Variants in SNTG1 observed in about 807,000 individuals in gnomAD.
SNTG1 encodes syntrophin gamma 1.
In SNTG1, 39 loss-of-function variants were observed where a neutral mutation model predicts 74.7. The ratio of observed to expected loss-of-function variants is 0.52; its 90% CI spans 0.40 to 0.68. SNTG1 has a LOEUF of 0.68. Among genes scored for constraint, SNTG1 ranks in the 30% least tolerant of loss-of-function variants. The pLI, the probability that SNTG1 is intolerant of heterozygous loss-of-function variation, is 0.00. For missense variants in SNTG1, 685 were observed against 609.5 expected (o/e 1.12, Z -1.30); for synonymous variants, 254 against 217.1 (o/e 1.17, Z -1.49).
chr8:49,922,768 C>G (rs774394940), intron 1 of SNTG1, among the ~76,000 whole-genome samples: 4 of 152,038 alleles, frequency 2.6e-5, no homozygotes, highest in South Asian at 2.1e-4. Context: ...ATAATCAAAT[C>G]TTTTATTTTT....
At chr8:50,208,593 A>G (rs528114784) in intron 2 of SNTG1, among the ~76,000 whole-genome samples, 1 of 152,276 alleles carries the variant, frequency 6.6e-6, no homozygotes, top group South Asian at 2.1e-4. Context: ...TGTGAATTTG[A>G]TCCTGTCATT....
At chr8:50,764,515 G>C (rs565890453) in intron 18 of SNTG1, among the ~76,000 whole-genome samples, 81 of 151,998 alleles carry the variant, frequency 5.3e-4, no homozygotes, top group African/African-American at 1.9e-3. Context: ...TTATGTACAT[G>C]TGAACCTATG....
chr8:50,540,458 T>G (rs2094338252), intron 11 of SNTG1, among the ~76,000 whole-genome samples: 1 of 152,194 alleles, frequency 6.6e-6, no homozygotes, highest in African/African-American at 2.4e-5. Context: ...TTATAAAGGA[T>G]GAGTATTGTC....
chr8:50,048,193 A>T (rs527813239), intron 1 of SNTG1, among the ~76,000 whole-genome samples: 1 of 152,332 alleles, frequency 6.6e-6, no homozygotes, highest in South Asian at 2.1e-4. Flanking sequence ...TCTGAATTTT[A>T]GTTTATCCTC....
At chr8:50,028,760 T>C (rs1817498599) in intron 1 of SNTG1, among the ~76,000 whole-genome samples, 1 of 152,212 alleles carries the variant, frequency 6.6e-6, no homozygotes, top group Admixed American at 6.5e-5. Context: ...ATATAGTTTT[T>C]CTAACTTATT....
chr8:50,506,452 A>T (rs981798600), intron 9 of SNTG1, among the ~76,000 whole-genome samples: 2 of 152,072 alleles, frequency 1.3e-5, no homozygotes, highest in Non-Finnish European at 2.9e-5. Flanking sequence ...ACATTTTAAC[A>T]ATATTAATTC....
At chr8:50,040,015 C>T (rs996128286) in intron 1 of SNTG1, among the ~76,000 whole-genome samples, 1 of 152,010 alleles carries the variant, frequency 6.6e-6, no homozygotes, top group Non-Finnish European at 1.5e-5. Flanking sequence ...GACTCTTGGA[C>T]GCCACAGAGT....
chr8:50,182,519 A>G (rs2083241876), intron 2 of SNTG1, among the ~76,000 whole-genome samples: 1 of 152,198 alleles, frequency 6.6e-6, no homozygotes, highest in African/African-American at 2.4e-5. Flanking sequence ...TAAATAAAAT[A>G]TATTTTATGT....
intron 2 of SNTG1, among the ~76,000 whole-genome samples, chr8:50,229,590 C>T (rs1487581629): frequency 6.6e-6 from 1 of 151,206 alleles, no homozygotes; most frequent in Non-Finnish European, 1.5e-5. Context: ...ATTTGTGAGG[C>T]AAAACTTGAT....
chr8:50,570,286 T>C (rs2130754642), intron 12 of SNTG1, among the ~76,000 whole-genome samples: 2 of 104,522 alleles, frequency 1.9e-5, no homozygotes, highest in South Asian at 2.7e-4. Context: ...ATAGATGGAG[T>C]CTCGCTCTGT....
intron 13 of SNTG1, among the ~76,000 whole-genome samples, chr8:50,622,383 A>G (rs970006131): frequency 6.6e-6 from 1 of 152,210 alleles, no homozygotes; most frequent in South Asian, 2.1e-4. Flanking sequence ...AATGTTTAAT[A>G]ACATACTTTG....
chr8:50,756,010 A>T (rs1020620231), intron 18 of SNTG1, among the ~76,000 whole-genome samples: 1 of 151,196 alleles, frequency 6.6e-6, no homozygotes, highest in Non-Finnish European at 1.5e-5. Flanking sequence ...TTTCTGGCCC[A>T]TTTTTAATAT....
chr8:50,376,729 T>TCA (rs2092389998), intron 2 of SNTG1, among the ~76,000 whole-genome samples: 1 of 100,614 alleles, frequency 9.9e-6, no homozygotes, highest in Non-Finnish European at 2.0e-5. Flanking sequence ...TATTAATAAA[T>TCA]TATATATATA....
intron 1 of SNTG1, among the ~76,000 whole-genome samples, chr8:49,987,921 C>A (rs1001758344): frequency 6.6e-6 from 1 of 152,062 alleles, no homozygotes; most frequent in African/African-American, 2.4e-5. Flanking sequence ...GTTAAATTAA[C>A]CTTTTATTAA....
Position 49,960,273 on chromosome 8 carries a change from T to C in SNTG1, c.-103+48042T>C, listed in dbSNP as rs190102518. The stretch of plus-strand genomic sequence containing the variant: ...TGTATCGATTTAATGTAACAACAAA[T>C]ATCTATTGAGCATAAATAATGCTGT... On this transcript the variant is annotated intron_variant, in intron 1 of 18. Coordinates refer to ENST00000642720, the MANE Select transcript of SNTG1 (RefSeq NM_018967.5). Among the ~76,000 whole-genome samples the C allele has an allele frequency of 1.6e-4, 24 of 152,338 alleles. 2 individuals carry two copies. In the East Asian group the frequency reaches 4.2e-3, roughly 27 times the overall value.
chr8:49,980,325 C>A (rs1812557580), intron 1 of SNTG1, among the ~76,000 whole-genome samples: 1 of 152,140 alleles, frequency 6.6e-6, no homozygotes, highest in East Asian at 1.9e-4. Flanking sequence ...TCTCTGCTTG[C>A]TCCATCACGC....
At chr8:50,064,004 C>G (rs1188930674) in intron 1 of SNTG1, among the ~76,000 whole-genome samples, 1 of 152,190 alleles carries the variant, frequency 6.6e-6, no homozygotes, top group Non-Finnish European at 1.5e-5. Context: ...AATTGCATAA[C>G]TCTGGGAAAT....
At chr8:50,251,363 G>A (rs181055606) in intron 2 of SNTG1, among the ~76,000 whole-genome samples, 2 of 151,908 alleles carry the variant, frequency 1.3e-5, no homozygotes, top group East Asian at 3.9e-4. Context: ...CAAACTTGCA[G>A]GAGTAATTAT....
intron 1 of SNTG1, among the ~76,000 whole-genome samples, chr8:50,136,062 G>A (rs2081465338): frequency 6.6e-6 from 1 of 152,172 alleles, no homozygotes; most frequent in East Asian, 1.9e-4. Flanking sequence ...CTTCACCCAT[G>A]TTGCTGCAAA....
Sources: gnomAD v4.1 joint callset for allele counts (sites outside exome capture counted in the v4.1 genomes callset) on GRCh38, gnomAD v4.1.1 for gene constraint, MANE v1.5 for transcripts, NCBI Gene and HGNC (gene_info 2026-07-23, HGNC 2026-07-21) for gene names.